Variants in DLGAP4 observed in about 807,000 individuals in gnomAD.
DLGAP4 encodes DLG associated protein 4, also known as disks large-associated protein 4.
DLGAP4 carries 18 observed loss-of-function variants against 86.9 expected under a neutral mutation model. The ratio of observed to expected loss-of-function variants is 0.21; its 90% CI spans 0.14 to 0.31. DLGAP4 has a LOEUF of 0.31. Ranked by LOEUF, DLGAP4 falls within the 10% of genes least tolerant of loss-of-function variation. The pLI, the probability that DLGAP4 is intolerant of heterozygous loss-of-function variation, is 1.00. For synonymous variants in DLGAP4, 548 were observed against 574.3 expected, an observed-to-expected ratio of 0.95 and a Z score of 0.65; for missense variants, 1,085 against 1,362.6, an observed-to-expected ratio of 0.80 and a Z score of 3.21.
At chr20:36,422,178 C>T (rs1353146055) in intron 2 of DLGAP4, among the ~76,000 whole-genome samples, 1 of 152,148 alleles carries the variant, frequency 6.6e-6, no homozygotes, top group Non-Finnish European at 1.5e-5. Flanking sequence ...CCCTTCCACA[C>T]ATCGTCCCTT....
intron 2 of DLGAP4, among the ~76,000 whole-genome samples, chr20:36,430,347 G>A (rs1048570743): frequency 3.3e-5 from 5 of 152,164 alleles, no homozygotes; most frequent in Admixed American, 3.3e-4. Context: ...GGCCTCTTTG[G>A]TGTCAGAAGC....
At chr20:36,327,081 C>G (rs1323315537) in intron 1 of DLGAP4, among the ~76,000 whole-genome samples, 3 of 149,420 alleles carry the variant, frequency 2.0e-5, no homozygotes, top group Non-Finnish European at 4.4e-5. Context: ...CTCACTGCAG[C>G]CTCCGCTACC....
chr20:36,405,087 G>A (rs2032278819), intron 2 of DLGAP4, among the ~76,000 whole-genome samples: 1 of 152,220 alleles, frequency 6.6e-6, no homozygotes, highest in Admixed American at 6.5e-5. Context: ...GAATGGCATG[G>A]GCTAGAGATG....
chr20:36,451,147 C>T (rs1440044352), intron 7 of DLGAP4, among the ~76,000 whole-genome samples: 1 of 152,186 alleles, frequency 6.6e-6, no homozygotes, highest in African/African-American at 2.4e-5. Context: ...TCAATTTTAC[C>T]CATGCACCTA....
At chr20:36,461,504 G>T in intron 7 of DLGAP4, 2 of 983,296 alleles carry the variant, frequency 2.0e-6, no homozygotes, top group African/African-American at 1.8e-5. Flanking sequence ...CTGCGTGAGG[G>T]AGGAGGGTGA....
At chr20:36,521,883 C>T (rs2037399660) in intron 10 of DLGAP4, among the ~76,000 whole-genome samples, 1 of 152,168 alleles carries the variant, frequency 6.6e-6, no homozygotes, top group Non-Finnish European at 1.5e-5. Flanking sequence ...TCTTTAACTC[C>T]TGTGTCAGTT....
At chr20:36,495,898 G>A (rs1309148294) in intron 7 of DLGAP4, among the ~76,000 whole-genome samples, 4 of 152,092 alleles carry the variant, frequency 2.6e-5, no homozygotes, top group African/African-American at 9.7e-5. Flanking sequence ...TTGAGATGGA[G>A]TTTTGCTTTT....
At chr20:36,521,191 G>A (rs1489455659) in intron 10 of DLGAP4, among the ~76,000 whole-genome samples, 1 of 152,186 alleles carries the variant, frequency 6.6e-6, no homozygotes, top group East Asian at 1.9e-4. Context: ...CTGGCCTCGA[G>A]TGATCTGCCT....
chr20:36,353,131 C>A (rs2030212730), intron 1 of DLGAP4, among the ~76,000 whole-genome samples: 1 of 152,094 alleles, frequency 6.6e-6, no homozygotes, highest in Non-Finnish European at 1.5e-5. Context: ...TGGCCTAGAA[C>A]CATGGAAAAT....
At chr20:36,512,271 T>C (rs906056974) in intron 10 of DLGAP4, among the ~76,000 whole-genome samples, 3 of 152,032 alleles carry the variant, frequency 2.0e-5, no homozygotes, top group Admixed American at 6.6e-5. Flanking sequence ...AGGATGGTCT[T>C]GATCTCCTGA....
intron 2 of DLGAP4, among the ~76,000 whole-genome samples, chr20:36,401,919 T>A (rs2032173062): frequency 6.6e-6 from 1 of 152,104 alleles, no homozygotes; most frequent in African/African-American, 2.4e-5. Flanking sequence ...GGGAGGAAAG[T>A]GCTTGGTGAG....
intron 2 of DLGAP4, among the ~76,000 whole-genome samples, chr20:36,396,586 C>CACGCATG (rs1569484843): frequency 7.4e-5 from 2 of 27,168 alleles, no homozygotes; most frequent in South Asian, 3.6e-3. Flanking sequence ...CATACACACA[C>CACGCATG]CAGACACACA....
chr20:36,461,613 C>T, intron 7 of DLGAP4: 1 of 944,936 alleles, frequency 1.1e-6, no homozygotes, highest in Non-Finnish European at 1.3e-6. Context: ...GGGGCCCGCC[C>T]AGCGCCGCCC....
At chr20:36,526,042 A>T in intron 12 of DLGAP4, 36 bp downstream of exon 12, 2 of 1,612,640 alleles carry the variant, frequency 1.2e-6, no homozygotes, top group Non-Finnish European at 1.7e-6. Flanking sequence ...AAGTCCAGGG[A>T]CAAATTCCTG....
chr20:36,524,897 C>T (rs530777089), intron 11 of DLGAP4, among the ~76,000 whole-genome samples: 3 of 151,276 alleles, frequency 2.0e-5, no homozygotes, highest in African/African-American at 7.3e-5. Context: ...GCAATGACAG[C>T]GAAACTCTGT....
chr20:36,526,558 G>C (rs1404207547), intron 12 of DLGAP4, among the ~76,000 whole-genome samples: 48 of 152,024 alleles, frequency 3.2e-4, no homozygotes, highest in Admixed American at 3.1e-3. Context: ...CATGAGGGTG[G>C]ACAATGGGAT....
At chr20:36,462,489 C>A in intron 7 of DLGAP4, 1 of 1,590,320 alleles carries the variant, frequency 6.3e-7, no homozygotes, top group South Asian at 1.1e-5. Context: ...CCCTGTCTCC[C>A]CTTCTCTCTG....
intron 7 of DLGAP4, chr20:36,462,277 T>C: frequency 7.7e-7 from 1 of 1,295,872 alleles, no homozygotes; most frequent in Non-Finnish European, 9.7e-7. Context: ...CCTGTCGCTG[T>C]CTCTCCTTGT....
intron 1 of DLGAP4, among the ~76,000 whole-genome samples, chr20:36,316,832 C>G (rs2065105236): frequency 6.6e-6 from 1 of 152,222 alleles, no homozygotes; most frequent in South Asian, 2.1e-4. Context: ...TCCCCAGCCT[C>G]TTCTCTGGGG....
Sources: gnomAD v4.1 joint callset for allele counts (sites outside exome capture counted in the v4.1 genomes callset) on GRCh38, gnomAD v4.1.1 for gene constraint, MANE v1.5 for transcripts, NCBI Gene and HGNC (gene_info 2026-07-23, HGNC 2026-07-21) for gene names.